TRIM77: variants seen among roughly 807,000 people sequenced by gnomAD.
TRIM77 encodes the protein tripartite motif-containing protein 77.
In TRIM77, 23 loss-of-function variants were observed where a neutral mutation model predicts 31.8. The ratio of observed to expected loss-of-function variants is 0.72; its 90% CI spans 0.52 to 1.02. The LOEUF is 1.02. Ranked by LOEUF, TRIM77 falls within the 50% of genes least tolerant of loss-of-function variation. The pLI is 0.00. For missense variants in TRIM77, 446 were observed against 539.2 expected (o/e 0.83, Z 1.71); for synonymous variants, 159 against 183.1 (o/e 0.87, Z 1.06).
Position 89,717,439 on chromosome 11 carries a change from G to A in TRIM77, c.920G>A (p.Arg307Lys). The A allele has an allele frequency of 6.4e-7, 1 of 1,551,418 alleles. No individual in the cohort carries two copies. Among genetic ancestry groups the A allele is most frequent in the Non-Finnish European group, 8.7e-7 (1 of 1,146,866 alleles). Residue 307 changes from arginine (R) to lysine (K), a missense_variant, in exon 6 of 6, where the codon AGG (arginine) becomes AAG (lysine). Coordinates refer to ENST00000398290, the MANE Select transcript of TRIM77 (RefSeq NM_001146162.1). ...SNHKLLFEDLRHLQCSLDDTD... is the reference protein window; with the variant it reads ...SNHKLLFEDLKHLQCSLDDTD... ...CACAAGCTTCTGTTCGAAGACCTAA[G>A]GCATTTGCAGTGCAGCCTTGATGAT...
At chr11:89,711,586 G>A (rs7111680) in intron 2 of TRIM77, 81 bp downstream of exon 2, 425,186 of 693,860 alleles carry the variant, frequency 0.61, 135,176 homozygotes, top group East Asian at 0.83. Context: ...AGTTAACCAT[G>A]TGTCCCCTGA....
In TRIM77 at chr11:89,717,652, T is replaced by C; in HGVS notation, c.1133T>C (p.Leu378Pro). Residue 378 changes from leucine to proline, a missense_variant, in exon 6 of 6, where the codon CTC (leucine) becomes CCC (proline). By Grantham distance (98) the Leu-to-Pro change is moderately conservative. Coordinates refer to ENST00000398290, the MANE Select transcript of TRIM77 (RefSeq NM_001146162.1). Reference sequence around the variant, plus strand: ...CTTGACTCTGAGGGTATCTTTCTACTCCTGTGTCTCAAAGTGGATGACCAT... The same window carrying C: ...CTTGACTCTGAGGGTATCTTTCTACCCCTGTGTCTCAAAGTGGATGACCAT... ...MRLDSEGIFL[L>P]LCLKVDDHFS... 6.4e-7 allele frequency: 1 copy of C among 1,551,298 alleles called. No individual in the cohort carries two copies. Among genetic ancestry groups the C allele is most frequent in the Non-Finnish European group, 8.7e-7 (1 of 1,146,724 alleles).
intron 2 of TRIM77, among the ~76,000 whole-genome samples, chr11:89,713,810 A>G (rs1949141518): frequency 6.6e-6 from 1 of 152,160 alleles, no homozygotes; most frequent in Admixed American, 6.6e-5. Flanking sequence ...AAGATGCAGC[A>G]ATGTCTTATG....
chr11:89,716,243 A>G (rs1949160431), intron 5 of TRIM77, among the ~76,000 whole-genome samples: 1 of 152,206 alleles, frequency 6.6e-6, no homozygotes, highest in Non-Finnish European at 1.5e-5. Flanking sequence ...AAAACACTCA[A>G]AAAAGACCTG....
intron 2 of TRIM77, 23 bp downstream of exon 2, chr11:89,711,528 T>G (rs1319347178): frequency 1.5e-6 from 2 of 1,333,682 alleles, no homozygotes; most frequent in East Asian, 5.3e-5. Flanking sequence ...CTCATTTCTC[T>G]CAGAACCAGT....
rs1375698098 is a variant in TRIM77, at chr11:89,717,753, G to T, written c.1234G>T (p.Asp412Tyr). Residue 412 changes from aspartate to tyrosine, a missense_variant, in exon 6 of 6, where the codon GAT becomes TAT. Asp to Tyr is a radical substitution (Grantham distance 160, BLOSUM62 -3). Transcript: ENST00000398290. ...RPQGWLGVFL[D>Y]YECGIVSFVN... Reference sequence around the variant, plus strand: ...CCAAGGCTGGCTAGGGGTGTTCCTGGATTATGAATGTGGGATAGTGAGCTT... The same window carrying T: ...CCAAGGCTGGCTAGGGGTGTTCCTGTATTATGAATGTGGGATAGTGAGCTT... The T allele has an allele frequency of 2.6e-6, 4 of 1,551,260 alleles. No individual in the cohort carries two copies. Among genetic ancestry groups the T allele is most frequent in the Non-Finnish European group, 2.6e-6 (3 of 1,146,712 alleles).
Position 89,710,461 on chromosome 11 carries a change from T to C in TRIM77, c.163T>C (p.Cys55Arg). ...DTLTPNCCPV[C>R]REISQQMYFK... Reference sequence around the variant, plus strand: ...ACTAACTCCTAATTGCTGCCCTGTGTGCAGGGAAATATCACAGCAAATGTA... The same window carrying C: ...ACTAACTCCTAATTGCTGCCCTGTGCGCAGGGAAATATCACAGCAAATGTA... Residue 55 changes from cysteine to arginine, a missense_variant, in exon 1 of 6, where the codon TGC becomes CGC. By Grantham distance (180) the Cys-to-Arg change is radical. Transcript: ENST00000398290. The C allele has an allele frequency of 6.4e-7, 1 of 1,551,710 alleles. No individual in the cohort carries two copies.
intron 3 of TRIM77, 50 bp downstream of exon 3, chr11:89,714,472 C>A (rs895008967): frequency 1.2e-5 from 15 of 1,215,432 alleles, no homozygotes; most frequent in Non-Finnish European, 1.7e-5. Flanking sequence ...GCTTGGGAAT[C>A]GTATCTGCTA....
chr11:89,711,384 C>T (rs1332390729), intron 1 of TRIM77, 26 bp from the exon 2 acceptor site: 4 of 1,205,128 alleles, frequency 3.3e-6, no homozygotes, highest in African/African-American at 1.6e-5. Context: ...TTTTCTAGTG[C>T]TCAGATTTAT....
In TRIM77 at chr11:89,715,192, C is replaced by T. The variant is rs879170743; in HGVS notation, c.761+12C>T. On this transcript the variant is annotated intron_variant, in intron 4 of 5. Transcript: ENST00000398290. ...GACGTAATGAAAAGGTAAGTTTGCC[C>T]CTCTATCCAAGTCCTGGTAATTGTG... 5.2e-6 allele frequency: 8 copies of T among 1,551,164 alleles called. 1 individual carries two copies. The South Asian group carries it at 9.5e-5, about 18-fold the overall frequency.
At chr11:89,715,202 AG>A in intron 4 of TRIM77, 22 bp downstream of exon 4, 1 of 1,550,134 alleles carries the variant, frequency 6.5e-7, no homozygotes, top group African/African-American at 1.4e-5. Context: ...CCTCTATCCA[AG>A]TCCTGGTAAT....
chr11:89,717,345 G>GT (rs1469433856), intron 5 of TRIM77, 34 bp from the exon 6 acceptor site: 11 of 1,498,598 alleles, frequency 7.3e-6, no homozygotes, highest in South Asian at 1.3e-5. Flanking sequence ...CTTTTAAACT[G>GT]TTTTTTTGCA....
Position 89,717,752 on chromosome 11 carries a change from G to C in TRIM77, c.1233G>C (p.Leu411=). ...PRPQGWLGVF[L]DYECGIVSFV... Reference sequence around the variant, plus strand: ...CCCAAGGCTGGCTAGGGGTGTTCCTGGATTATGAATGTGGGATAGTGAGCT... The same window carrying C: ...CCCAAGGCTGGCTAGGGGTGTTCCTCGATTATGAATGTGGGATAGTGAGCT... Residue 411 remains leucine (L), a synonymous_variant, in exon 6 of 6, where the codon CTG becomes CTC. Transcript: ENST00000398290. The C allele has an allele frequency of 6.4e-7, 1 of 1,551,266 alleles. No individual in the cohort carries two copies. Among genetic ancestry groups the C allele is most frequent in the East Asian group, 2.4e-5 (1 of 40,904 alleles).
intron 2 of TRIM77, 47 bp from the exon 3 acceptor site, chr11:89,714,145 A>G (rs1967074): frequency 0.36 from 477,176 of 1,332,584 alleles, 87,895 homozygotes; most frequent in Non-Finnish European, 0.39. Flanking sequence ...TAAGGAAAGA[A>G]TAAAACCACT....
intron 5 of TRIM77, among the ~76,000 whole-genome samples, chr11:89,716,227 TA>T (rs200943623): frequency 7.5e-4 from 113 of 150,800 alleles, no homozygotes; most frequent in African/African-American, 2.3e-3. Flanking sequence ...TTTAAGTGAT[TA>T]AAAAAAAACA....
At chr11:89,713,116 AC>A (rs1441884687) in intron 2 of TRIM77, among the ~76,000 whole-genome samples, 2 of 151,848 alleles carry the variant, frequency 1.3e-5, no homozygotes, top group African/African-American at 2.4e-5. Flanking sequence ...TACTAAAAAT[AC>A]AAAAATTAGC....
At chr11:89,713,128 T>G (rs1436792338) in intron 2 of TRIM77, among the ~76,000 whole-genome samples, 1 of 151,448 alleles carries the variant, frequency 6.6e-6, no homozygotes, top group Non-Finnish European at 1.5e-5. Flanking sequence ...AAAAATTAGC[T>G]GGGCATGGTG....
chr11:89,712,190 C>G (rs1278986875), intron 2 of TRIM77, among the ~76,000 whole-genome samples: 1 of 152,088 alleles, frequency 6.6e-6, no homozygotes, highest in African/African-American at 2.4e-5. Flanking sequence ...CTGAAGGGGA[C>G]ATATAAACAG....
In TRIM77 at chr11:89,717,446, G is replaced by T; in HGVS notation, c.927G>T (p.Leu309Phe). 1 of 1,551,494 alleles carries T rather than the reference G, an allele frequency of 6.4e-7. No individual in the cohort carries two copies. The highest frequency in any genetic ancestry group is 8.7e-7 in the Non-Finnish European group (1 of 1,146,874). The change falls in exon 6 of 6, where the codon TTG becomes TTT. Residue 309 changes from leucine to phenylalanine, a missense_variant. Physicochemically the swap from Leu to Phe is conservative, Grantham distance 22. Coordinates refer to ENST00000398290, the MANE Select transcript of TRIM77 (RefSeq NM_001146162.1). ...HKLLFEDLRH[L>F]QCSLDDTDMS... ...TTCTGTTCGAAGACCTAAGGCATTTGCAGTGCAGCCTTGATGATACAGACA... is the reference window on the plus strand; with the variant it reads ...TTCTGTTCGAAGACCTAAGGCATTTTCAGTGCAGCCTTGATGATACAGACA...
Sources: gnomAD v4.1 joint callset for allele counts (sites outside exome capture counted in the v4.1 genomes callset) on GRCh38, gnomAD v4.1.1 for gene constraint, MANE v1.5 for transcripts, NCBI Gene and HGNC (gene_info 2026-07-23, HGNC 2026-07-21) for gene names.